The following MOGS variants were observed in gnomAD, a reference collection of about 807,000 sequenced individuals.
MOGS encodes the protein mannosyl-oligosaccharide glucosidase.
MOGS carries 45 observed loss-of-function variants against 68.5 expected under a neutral mutation model. The observed-to-expected ratio is 0.66, with a 90% CI of 0.52 to 0.84. The LOEUF is 0.84. Ranked by LOEUF, MOGS falls within the 40% of genes least tolerant of loss-of-function variation. The pLI, the probability that MOGS is intolerant of heterozygous loss-of-function variation, is 0.00. For missense variants in MOGS, 1,020 were observed against 1,095.0 expected (o/e 0.93, Z 0.97); for synonymous variants, 492 against 461.2 (o/e 1.07, Z -0.86).
chr2:74,463,658 T>TTA, intron 2 of MOGS: 1 of 336,384 alleles, frequency 3.0e-6, no homozygotes, highest in Non-Finnish European at 5.4e-6. Context: ...TTTCATTTAA[T>TTA]TCTTTTTTTT....
rs1293609785 is a variant in MOGS, at chr2:74,462,032, G to A, written c.1757C>T (p.Pro586Leu). The change falls in exon 4 of 4, where the codon CCC (proline) becomes CTC (leucine). Residue 586 changes from proline (P) to leucine (L), a missense_variant. Physicochemically the swap from Pro to Leu is moderately conservative, Grantham distance 98. Coordinates refer to ENST00000448666, the MANE Select transcript of MOGS (RefSeq NM_006302.3). The stretch of plus-strand genomic sequence containing the variant: ...GGTTACTGAAGGGTGTGAAGCCCGG[G>A]GGTAGTCATCCAGCCCAGAGGGTAG... ...KTLPSGLDDY[P>L]RASHPSVTER... The A allele has an allele frequency of 6.2e-7, 1 of 1,614,076 alleles. No individual in the cohort carries two copies. The highest frequency in any genetic ancestry group is 8.5e-7 in the Non-Finnish European group (1 of 1,180,028).
Position 74,461,544 on chromosome 2 carries a change from AGGG to A in MOGS, c.2242_2244del (p.Pro748del). The A allele has an allele frequency of 6.2e-7, 1 of 1,613,952 alleles. No individual in the cohort carries two copies. Among genetic ancestry groups the A allele is most frequent in the Non-Finnish European group, 8.5e-7 (1 of 1,179,904 alleles). ...TTGAGCCACACAGCACCCCGCCAGT[AGGG>A]GGGATCATGCTCTGAATTGCGCTGG... On this transcript the variant is annotated inframe_deletion, in exon 4 of 4. Transcript: ENST00000448666.
At chr2:74,464,423 T>A in intron 2 of MOGS, 73 bp downstream of exon 2, 1 of 1,482,180 alleles carries the variant, frequency 6.7e-7, no homozygotes, top group South Asian at 1.1e-5. Flanking sequence ...GCCCACTTCA[T>A]GCTGCATTTG....
Position 74,461,720 on chromosome 2 carries a change from C to T in MOGS, c.2069G>A (p.Gly690Asp). ...QPQLQYVDAL[G>D]YVSLFPLLLR... Reference sequence around the variant, plus strand: ...CAGCAAGGGAAAAAGACTGACATAGCCAAGAGCATCTACATACTGCAGTTG... The same window carrying T: ...CAGCAAGGGAAAAAGACTGACATAGTCAAGAGCATCTACATACTGCAGTTG... The change falls in exon 4 of 4, where the codon GGC becomes GAC. Residue 690 changes from glycine (G) to aspartate (D), a missense_variant. Physicochemically the swap from Gly to Asp is moderately conservative, Grantham distance 94. This residue lies in a region of MOGS where 270 missense variants were observed against 261.3 expected (regional missense o/e 1.03). Coordinates refer to ENST00000448666, the MANE Select transcript of MOGS (RefSeq NM_006302.3). 1 of 1,614,242 alleles carries T rather than the reference C, an allele frequency of 6.2e-7. No homozygotes were observed. The highest frequency in any genetic ancestry group is 1.7e-5 in the Admixed American group (1 of 60,024).
In MOGS at chr2:74,461,697, G is replaced by A. The variant is rs765381890; in HGVS notation, c.2092C>T (p.Leu698=). 1.2e-6 allele frequency: 2 copies of A among 1,614,214 alleles called. No homozygotes were observed. The highest frequency in any genetic ancestry group is 1.7e-6 in the Non-Finnish European group (2 of 1,180,034). Residue 698 remains leucine (L), a synonymous_variant, in exon 4 of 4, where the codon CTG becomes TTG. Transcript: ENST00000448666. ...GAGGTGGGGTCCAGCAGTCGCAGCA[G>A]CAAGGGAAAAAGACTGACATAGCCA... The part of the protein sequence containing the change: ...ALGYVSLFPL[L]LRLLDPTSSR...
chr2:74,463,556 C>T (rs866552615), intron 2 of MOGS, 170 bp from the exon 3 acceptor site: 2 of 690,288 alleles, frequency 2.9e-6, no homozygotes, highest in African/African-American at 3.5e-5. Flanking sequence ...TACACCCAAG[C>T]GGGATGAGAT....
rs777010548 is a variant in MOGS, at chr2:74,461,604, G to A, written c.2185C>T (p.Arg729Cys). Reference sequence around the variant, plus strand: ...AAGGAGCTGGAGGCTGCAAGGGAGCGTAAACCAAAGGGGCTCCAGAGATGG... The same window carrying A: ...AAGGAGCTGGAGGCTGCAAGGGAGCATAAACCAAAGGGGCTCCAGAGATGG... ...SRHLWSPFGL[R>C]SLAASSSFYG... Residue 729 changes from arginine to cysteine, a missense_variant, in exon 4 of 4, where the codon CGC becomes TGC. This residue lies in a region of MOGS where 270 missense variants were observed against 261.3 expected (regional missense o/e 1.03). Transcript: ENST00000448666. 1.2e-5 allele frequency: 19 copies of A among 1,613,818 alleles called. No homozygotes were observed. Among genetic ancestry groups the A allele is most frequent in the South Asian group, 2.2e-5 (2 of 91,078 alleles).
At chr2:74,463,557 G>A (rs1255478424) in intron 2 of MOGS, 171 bp from the exon 3 acceptor site, 5 of 693,492 alleles carry the variant, frequency 7.2e-6, no homozygotes, top group South Asian at 3.4e-5. Context: ...ACACCCAAGC[G>A]GGATGAGATA....
chr2:74,462,802 G>C lies in MOGS; in HGVS notation c.987C>G (p.Pro329=). Reference sequence around the variant, plus strand: ...ATTCAAACACAAACTCTATGGAAATGGGAATTTTCAGGGTCACCTGCTGTA... The same window carrying C: ...ATTCAAACACAAACTCTATGGAAATCGGAATTTTCAGGGTCACCTGCTGTA... ...FLIQQVTLKI[P]ISIEFVFESG... Residue 329 remains proline (P), a synonymous_variant, in exon 4 of 4, where the codon CCC becomes CCG. Transcript: ENST00000448666. The C allele has an allele frequency of 6.2e-7, 1 of 1,614,236 alleles. No homozygotes were observed. The highest frequency in any genetic ancestry group is 8.5e-7 in the Non-Finnish European group (1 of 1,180,056).
intron 1 of MOGS, 38 bp from the exon 2 acceptor site, chr2:74,464,760 G>A (rs1046554640): frequency 1.3e-6 from 2 of 1,594,594 alleles, no homozygotes; most frequent in Admixed American, 3.4e-5. Context: ...AAGAGCAGGG[G>A]ACCTGTCCCT....
Position 74,462,231 on chromosome 2 carries a change from C to T in MOGS, c.1558G>A (p.Ala520Thr), listed in dbSNP as rs1293844021. 6.2e-7 allele frequency: 1 copy of T among 1,614,148 alleles called. No homozygotes were observed. Reference protein sequence around the residue: ...ANPPTLLLPVAHMLEVGDPDD... With the variant: ...ANPPTLLLPVTHMLEVGDPDD... Reference sequence around the variant, plus strand: ...GGGTCACCAACCTCTAGCATATGGGCTACAGGCAAAAGTAGGGTTGGGGGG... The same window carrying T: ...GGGTCACCAACCTCTAGCATATGGGTTACAGGCAAAAGTAGGGTTGGGGGG... Residue 520 changes from alanine (A) to threonine (T), a missense_variant, in exon 4 of 4, where the codon GCC (alanine) becomes ACC (threonine). By Grantham distance (58) the Ala-to-Thr change is moderately conservative. Coordinates refer to ENST00000448666, the MANE Select transcript of MOGS (RefSeq NM_006302.3).
In MOGS at chr2:74,461,599, G is replaced by A. The variant is rs2103976465; in HGVS notation, c.2190C>T (p.Ser730=). 1 of 1,613,950 alleles carries A rather than the reference G, an allele frequency of 6.2e-7. No homozygotes were observed. The highest frequency in any genetic ancestry group is 8.5e-7 in the Non-Finnish European group (1 of 1,179,916). ...RHLWSPFGLR[S]LAASSSFYGQ... ...CATAAAAGGAGCTGGAGGCTGCAAG[G>A]GAGCGTAAACCAAAGGGGCTCCAGA... Residue 730 remains serine (S), a synonymous_variant, in exon 4 of 4, where the codon TCC becomes TCT. Transcript: ENST00000448666.
chr2:74,462,529 A>G lies in MOGS; in HGVS notation c.1260T>C (p.Ser420=). ...AGAGGGCTGGGTCCACCTTCTGCTC[A>G]GACCCTTCCACCCCGATGTCTGGCA... ...LVLPDIGVEG[S]EQKVDPALFP... Residue 420 remains serine (S), a synonymous_variant, in exon 4 of 4, where the codon TCT becomes TCC. Transcript: ENST00000448666. 1.2e-6 allele frequency: 2 copies of G among 1,609,480 alleles called. No individual in the cohort carries two copies. Among genetic ancestry groups the G allele is most frequent in the Non-Finnish European group, 1.7e-6 (2 of 1,177,008 alleles).
chr2:74,461,872 G>C lies in MOGS; in HGVS notation c.1917C>G (p.Ser639Arg). 1 of 1,614,026 alleles carries C rather than the reference G, an allele frequency of 6.2e-7. No homozygotes were observed. The highest frequency in any genetic ancestry group is 8.5e-7 in the Non-Finnish European group (1 of 1,180,010). Reference protein sequence around the residue: ...PLAASLEAAESLDELHWAPEL... With the variant: ...PLAASLEAAERLDELHWAPEL... ...CTGGGGCCCAGTGCAGCTCATCCAGGCTCTCTGCTGCCTCCAGTGAGGCAG... is the reference window on the plus strand; with the variant it reads ...CTGGGGCCCAGTGCAGCTCATCCAGCCTCTCTGCTGCCTCCAGTGAGGCAG... The change falls in exon 4 of 4, where the codon AGC becomes AGG. Residue 639 changes from serine to arginine, a missense_variant. Around this residue, in one of 3 missense-constraint regions of MOGS, gnomAD observed 270 missense variants for 261.3 expected, o/e 1.03. Transcript: ENST00000448666.
Position 74,461,772 on chromosome 2 carries a change from C to T in MOGS, c.2017G>A (p.Val673Ile), listed in dbSNP as rs114933392. 0.011 allele frequency: 17,442 copies of T among 1,614,216 alleles called. 154 individuals are homozygous for T. The highest frequency in any genetic ancestry group is 0.023 in the Middle Eastern group (138 of 6,062). Residue 673 changes from valine to isoleucine, a missense_variant, in exon 4 of 4, where the codon GTT becomes ATT. Coordinates refer to ENST00000448666, the MANE Select transcript of MOGS (RefSeq NM_006302.3). Reference sequence around the variant, plus strand: ...GGTTGGGGCCGACCCACCACCCGAACGAGCCCCTGAGGGGGCCTGGGCTTC... The same window carrying T: ...GGTTGGGGCCGACCCACCACCCGAATGAGCCCCTGAGGGGGCCTGGGCTTC... The part of the protein sequence containing the change: ...QLKPRPPQGL[V>I]RVVGRPQPQL...
Position 74,462,908 on chromosome 2 carries a change from G to A in MOGS, c.881C>T (p.Pro294Leu), listed in dbSNP as rs184209905. 933 of 1,613,892 alleles carry A rather than the reference G, an allele frequency of 5.8e-4. 7 individuals are homozygous for A. In the African/African-American group the frequency reaches 0.011, roughly 19 times the overall value. ...TCCTGGCAAGCCGAGGTAGCGTTCA[G>A]GGGGGGCCCCTGGGGGCCGATGCTG... ...WFQHRPPGAP[P>L]ERYLGLPGSL... Residue 294 changes from proline to leucine, a missense_variant, in exon 4 of 4, where the codon CCT becomes CTT. Physicochemically the swap from Pro to Leu is moderately conservative, Grantham distance 98. This residue lies in a region of MOGS where 569 missense variants were observed against 571.9 expected (regional missense o/e 0.99). Transcript: ENST00000448666.
At chr2:74,464,457 G>A in intron 2 of MOGS, 39 bp downstream of exon 2, 3 of 1,595,674 alleles carry the variant, frequency 1.9e-6, no homozygotes, top group Non-Finnish European at 2.6e-6. Flanking sequence ...AAGGATGGAG[G>A]GGGTCTGGGC....
chr2:74,461,933 C>G lies in MOGS; in HGVS notation c.1856G>C (p.Gly619Ala). ...CAGCTCAGCAGCTACCTCAGCCTCA[C>G]CCAGATGCTCTGCCAGCCGCGTCAG... The part of the protein sequence containing the change: ...RVLTRLAEHL[G>A]EAEVAAELGP... Residue 619 changes from glycine (G) to alanine (A), a missense_variant, in exon 4 of 4, where the codon GGT becomes GCT. Gly to Ala is a moderately conservative substitution (Grantham distance 60). Coordinates refer to ENST00000448666, the MANE Select transcript of MOGS (RefSeq NM_006302.3). 1 of 1,614,150 alleles carries G rather than the reference C, an allele frequency of 6.2e-7. No individual in the cohort carries two copies. The highest frequency in any genetic ancestry group is 8.5e-7 in the Non-Finnish European group (1 of 1,180,030).
Position 74,464,054 on chromosome 2 carries a change from G to A in MOGS, c.579+442C>T, listed in dbSNP as rs143909557. Among the ~76,000 whole-genome samples, 801 of 150,804 alleles carry A rather than the reference G, an allele frequency of 5.3e-3. 18 individuals are homozygous for A. Among genetic ancestry groups the A allele is most frequent in the African/African-American group, 0.019 (759 of 40,778 alleles). On this transcript the variant is annotated intron_variant, in intron 2 of 3. Transcript: ENST00000448666. The stretch of plus-strand genomic sequence containing the variant: ...GGCTCAGCGCAACCTCCACCTCCCT[G>A]GTTCAAGCAATTCTCCTGCCTCAGC...
Sources: gnomAD v4.1 joint callset for allele counts (sites outside exome capture counted in the v4.1 genomes callset) on GRCh38, gnomAD v4.1.1 for gene constraint, gnomAD v4.1.1 regional missense constraint, MANE v1.5 for transcripts, NCBI Gene and HGNC (gene_info 2026-07-23, HGNC 2026-07-21) for gene names.